HNF4G: variants seen among roughly 807,000 people sequenced by gnomAD.
HNF4G encodes the protein hepatocyte nuclear factor 4-gamma.
Under a neutral mutation model 50.9 loss-of-function variants are expected in HNF4G, and 21 were observed. The observed-to-expected ratio is 0.41, with a 90% CI of 0.29 to 0.59. HNF4G has a LOEUF of 0.59. HNF4G is among the 20% of genes least tolerant of loss of function. The probability of loss-of-function intolerance (pLI) is 0.26; values close to 1 mark genes in which losing one functional copy is unlikely to be tolerated. For missense variants in HNF4G, 527 were observed against 559.4 expected (o/e 0.94, Z 0.58); for synonymous variants, 198 against 185.6 (o/e 1.07, Z -0.54).
intron 1 of HNF4G, among the ~76,000 whole-genome samples, chr8:75,432,291 T>TA (rs201705373): frequency 0.018 from 2,611 of 144,354 alleles, 32 homozygotes; most frequent in Middle Eastern, 0.04. Flanking sequence ...TGTATCAAAA[T>TA]AAAAAAAAAA....
At chr8:75,423,659 G>A (rs1810824946) in intron 1 of HNF4G, among the ~76,000 whole-genome samples, 2 of 150,410 alleles carry the variant, frequency 1.3e-5, no homozygotes, top group East Asian at 2.0e-4. Context: ...CAAAGTGCTG[G>A]GATTACAGGC....
At chr8:75,548,961 T>A (rs1806867373) in intron 3 of HNF4G, among the ~76,000 whole-genome samples, 1 of 152,164 alleles carries the variant, frequency 6.6e-6, no homozygotes. Flanking sequence ...ATTTCTAATT[T>A]CATAGGAAGC....
chr8:75,543,835 T>C lies in HNF4G; in HGVS notation c.143T>C (p.Met48Thr). The change falls in exon 2 of 10, where the codon ATG becomes ACG. Residue 48 changes from methionine (M) to threonine (T), a missense_variant. Met to Thr is a moderately conservative substitution (Grantham distance 81). Coordinates refer to ENST00000396423, the MANE Select transcript of HNF4G (RefSeq NM_004133.5). ...SSDSSAPETSMNTTDNGVNCL... is the reference protein window; with the variant it reads ...SSDSSAPETSTNTTDNGVNCL... ...GATAGTTCTGCCCCAGAGACAAGTA[T>C]GAATACCACAGACAACGGTGTCAAC... is the stretch of plus-strand genomic sequence containing the variant. 6.2e-7 allele frequency: 1 copy of C among 1,613,038 alleles called. No homozygotes were observed. The highest frequency in any genetic ancestry group is 8.5e-7 in the Non-Finnish European group (1 of 1,179,554).
In HNF4G at chr8:75,555,921, A is replaced by G. The variant is rs566730809; in HGVS notation, c.646-61A>G. 75 of 920,354 alleles carry G rather than the reference A, an allele frequency of 8.1e-5. No homozygotes were observed. The East Asian group carries it at 1.6e-3, about 20-fold the overall frequency. 57.0% of individuals were successfully genotyped at this position (920,354 alleles called of 1,614,324 possible). A position where few individuals can be genotyped will look rare whatever the true frequency, so the allele number is the denominator to read the frequency against. ...AGAACACTCTAAGTTAACAAGACTC[A>G]TGTCATCTTTTAATCATTATATATT... On this transcript the variant is annotated intron_variant, in intron 5 of 9. Coordinates refer to ENST00000396423, the MANE Select transcript of HNF4G (RefSeq NM_004133.5).
chr8:75,562,505 G>C (rs1280078161), intron 9 of HNF4G, among the ~76,000 whole-genome samples: 1 of 152,016 alleles, frequency 6.6e-6, no homozygotes, highest in Non-Finnish European at 1.5e-5. Context: ...TACCAAACTA[G>C]AGCGTTTATG....
upstream of HNF4G, among the ~76,000 whole-genome samples, chr8:75,536,866 C>G (rs1251148069): frequency 6.6e-6 from 1 of 151,792 alleles, no homozygotes; most frequent in Non-Finnish European, 1.5e-5. Flanking sequence ...ATTCTCCCTT[C>G]TCCTCTTTAA....
intron 1 of HNF4G, among the ~76,000 whole-genome samples, chr8:75,462,473 G>A (rs1811877769): frequency 6.6e-6 from 1 of 152,282 alleles, no homozygotes. Flanking sequence ...GACATGAAAT[G>A]TCATCATGCT....
At chr8:75,547,801 A>AG in intron 3 of HNF4G, 120 bp downstream of exon 3, 1 of 667,106 alleles carries the variant, frequency 1.5e-6, no homozygotes, top group Non-Finnish European at 2.6e-6. Flanking sequence ...TATAATAAGG[A>AG]GGAATCTATG....
chr8:75,529,152 G>A (rs901074149), intron 2 of HNF4G, among the ~76,000 whole-genome samples: 1 of 152,126 alleles, frequency 6.6e-6, no homozygotes, highest in Non-Finnish European at 1.5e-5. Flanking sequence ...TTAGCTGGGA[G>A]TGGTGGCGGG....
Position 75,539,924 on chromosome 8 carries a change from T to A in HNF4G, c.-39T>A. 4 of 932,280 alleles carry A rather than the reference T, an allele frequency of 4.3e-6. No homozygotes were observed. Among genetic ancestry groups the A allele is most frequent in the Non-Finnish European group, 7.1e-6 (4 of 563,070 alleles). 57.8% of individuals were successfully genotyped at this position (932,280 alleles called of 1,614,324 possible). Reference sequence around the variant, plus strand: ...ACATCAAAACACTCATCACGCACTCTGGGCTTGTGGTGCCACTTGTATGTG... The same window carrying A: ...ACATCAAAACACTCATCACGCACTCAGGGCTTGTGGTGCCACTTGTATGTG... On this transcript the variant is annotated 5_prime_UTR_variant, in exon 1 of 10. Coordinates refer to ENST00000396423, the MANE Select transcript of HNF4G (RefSeq NM_004133.5).
intron 1 of HNF4G, among the ~76,000 whole-genome samples, chr8:75,423,560 T>G (rs1810822547): frequency 6.6e-6 from 1 of 151,592 alleles, no homozygotes; most frequent in South Asian, 2.1e-4. Flanking sequence ...GGCTAATTTT[T>G]TTTGTATTTT....
intron 2 of HNF4G, among the ~76,000 whole-genome samples, chr8:75,523,108 G>A (rs1280085728): frequency 2.6e-5 from 4 of 151,866 alleles, no homozygotes; most frequent in Admixed American, 1.3e-4. Context: ...ACCTGTAATC[G>A]CAGCTACTTG....
chr8:75,449,596 T>TC (rs1272010117), intron 1 of HNF4G, among the ~76,000 whole-genome samples: 1 of 146,980 alleles, frequency 6.8e-6, no homozygotes, highest in East Asian at 2.0e-4. Context: ...AAGCTCCGCC[T>TC]CCAGGGTTCA....
intron 1 of HNF4G, among the ~76,000 whole-genome samples, chr8:75,455,368 CAGAT>C (rs1811696137): frequency 2.6e-5 from 4 of 151,972 alleles, no homozygotes; most frequent in Non-Finnish European, 5.9e-5. Flanking sequence ...TGCTTTTAGG[CAGAT>C]AGGAAGTGAT....
intron 1 of HNF4G, among the ~76,000 whole-genome samples, chr8:75,445,827 T>C (rs1342073414): frequency 7.3e-6 from 1 of 136,874 alleles, no homozygotes; most frequent in African/African-American, 2.9e-5. Flanking sequence ...CCAGATGGAT[T>C]CACAGCCGAA....
chr8:75,520,526 C>T (rs189289520), intron 2 of HNF4G, among the ~76,000 whole-genome samples: 4 of 152,144 alleles, frequency 2.6e-5, no homozygotes, highest in African/African-American at 9.6e-5. Flanking sequence ...CAGCCTAGAC[C>T]TCCTGGGCTC....
chr8:75,545,239 ATGTG>A (rs57486410), intron 2 of HNF4G, among the ~76,000 whole-genome samples: 3,690 of 145,556 alleles, frequency 0.025, 136 homozygotes, highest in African/African-American at 0.082. Flanking sequence ...TTAAAATTGA[ATGTG>A]TGTGTGTGTG....
At chr8:75,438,996 T>C (rs1811207544) in intron 1 of HNF4G, among the ~76,000 whole-genome samples, 2 of 152,086 alleles carry the variant, frequency 1.3e-5, no homozygotes, top group Non-Finnish European at 2.9e-5. Flanking sequence ...TCTTTGTAGT[T>C]GCATAGTACT....
chr8:75,558,765 T>A, intron 7 of HNF4G, 36 bp from the exon 8 acceptor site: 1 of 1,591,646 alleles, frequency 6.3e-7, no homozygotes, highest in Non-Finnish European at 8.6e-7. Context: ...GTAATTAGGT[T>A]AAATCTGTAC....
Sources: gnomAD v4.1 joint callset for allele counts (sites outside exome capture counted in the v4.1 genomes callset) on GRCh38, gnomAD v4.1.1 for gene constraint, MANE v1.5 for transcripts, NCBI Gene and HGNC (gene_info 2026-07-23, HGNC 2026-07-21) for gene names.